JAM3: variants seen among roughly 807,000 people sequenced by gnomAD.
JAM3 encodes junctional adhesion molecule 3, also known as junctional adhesion molecule C.
In JAM3, 31 loss-of-function variants were observed where a neutral mutation model predicts 39.4. The observed-to-expected ratio is 0.79, with a 90% CI of 0.59 to 1.06. The LOEUF (loss-of-function observed/expected upper bound fraction) is 1.06. JAM3 is among the 50% of genes least tolerant of loss of function. The pLI is 0.00. For missense variants in JAM3, 455 were observed against 391.4 expected (o/e 1.16, Z -1.37); for synonymous variants, 182 against 148.7 (o/e 1.22, Z -1.63).
At chr11:134,127,175 C>T (rs1246721067) in intron 1 of JAM3, among the ~76,000 whole-genome samples, 1 of 152,060 alleles carries the variant, frequency 6.6e-6, no homozygotes, top group Non-Finnish European at 1.5e-5. Context: ...AAGAATACAG[C>T]TTGAAGTGCT....
intron 1 of JAM3, among the ~76,000 whole-genome samples, chr11:134,071,759 A>G (rs1941487213): frequency 6.6e-6 from 1 of 152,152 alleles, no homozygotes; most frequent in South Asian, 2.1e-4. Flanking sequence ...GTTTTTTAGA[A>G]TGGCATATTC....
At position 134,144,360 on chromosome 11, in the gene JAM3, A is replaced by G. The variant is rs555033192; in HGVS notation, c.376A>G (p.Ile126Val). ...EVVARNDRKE[I>V]DEIVIELTVQ... ...CGTTGCTCGAAATGACCGCAAGGAA[A>G]TTGATGAGATTGTGATCGAGTTAAC... is the stretch of plus-strand genomic sequence containing the variant. Residue 126 changes from isoleucine to valine, a missense_variant, in exon 4 of 9, where the codon ATT (isoleucine) becomes GTT (valine). Transcript: ENST00000299106. 1.3e-5 allele frequency: 21 copies of G among 1,614,224 alleles called. No homozygotes were observed. The Admixed American group carries it at 1.5e-4, about 12-fold the overall frequency.
intron 1 of JAM3, among the ~76,000 whole-genome samples, chr11:134,094,912 T>C (rs1941950567): frequency 6.6e-6 from 1 of 152,240 alleles, no homozygotes; most frequent in Admixed American, 6.5e-5. Flanking sequence ...ATTTGTTGAA[T>C]AAATGACTGA....
chr11:134,091,422 C>T (rs1324962339), intron 1 of JAM3, among the ~76,000 whole-genome samples: 1 of 152,090 alleles, frequency 6.6e-6, no homozygotes, highest in African/African-American at 2.4e-5. Flanking sequence ...TTCCCAGAAC[C>T]TGGGAGGTGG....
rs1206774763 is a variant in JAM3 at position 134,124,480 on chromosome 11, C to T, written c.77-15371C>T. On this transcript the variant is annotated intron_variant, in intron 1 of 8. Transcript: ENST00000299106. ...TTTTCTCTATTCAACTTGTTTATTCCTTATGAAGCTTCTGTCTTCAAGATA... is the reference window on the plus strand; with the variant it reads ...TTTTCTCTATTCAACTTGTTTATTCTTTATGAAGCTTCTGTCTTCAAGATA... 3.3e-5 allele frequency among the ~76,000 whole-genome samples: 5 copies of T among 152,272 alleles called. No homozygotes were observed. In the East Asian group the frequency reaches 9.6e-4, roughly 29 times the overall value.
chr11:134,114,459 G>A (rs1942382420), intron 1 of JAM3, among the ~76,000 whole-genome samples: 1 of 152,066 alleles, frequency 6.6e-6, no homozygotes, highest in African/African-American at 2.4e-5. Context: ...CCCATTTCTT[G>A]TTTTTGTCAG....
chr11:134,124,212 A>G (rs1191890769), intron 1 of JAM3: 30 of 1,399,534 alleles, frequency 2.1e-5, no homozygotes, highest in Non-Finnish European at 2.9e-5. Context: ...CAAAGTCATC[A>G]CTCCATACTT....
At chr11:134,090,573 AG>A (rs1941830283) in intron 1 of JAM3, among the ~76,000 whole-genome samples, 1 of 152,218 alleles carries the variant, frequency 6.6e-6, no homozygotes, top group Admixed American at 6.5e-5. Flanking sequence ...CAAACTATTA[AG>A]TAAATGCTGT....
chr11:134,102,746 C>A (rs1288358114), intron 1 of JAM3, among the ~76,000 whole-genome samples: 1 of 152,066 alleles, frequency 6.6e-6, no homozygotes, highest in Non-Finnish European at 1.5e-5. Context: ...ATTCAATCAA[C>A]TGGAAGAAAG....
chr11:134,098,212 A>G (rs969379243), intron 1 of JAM3, among the ~76,000 whole-genome samples: 5 of 152,154 alleles, frequency 3.3e-5, no homozygotes, highest in African/African-American at 1.2e-4. Context: ...TATATAGCTC[A>G]CCTATATCCA....
In JAM3 at chr11:134,144,377, C is replaced by G; in HGVS notation, c.393C>G (p.Ile131Met). 1 of 1,614,132 alleles carries G rather than the reference C, an allele frequency of 6.2e-7. No individual in the cohort carries two copies. The highest frequency in any genetic ancestry group is 8.5e-7 in the Non-Finnish European group (1 of 1,180,034). Residue 131 changes from isoleucine (I) to methionine (M), a missense_variant, in exon 4 of 9, where the codon ATC becomes ATG. Coordinates refer to ENST00000299106, the MANE Select transcript of JAM3 (RefSeq NM_032801.5). The stretch of plus-strand genomic sequence containing the variant: ...GCAAGGAAATTGATGAGATTGTGAT[C>G]GAGTTAACTGTGCAAGGTAGGAGCT... ...NDRKEIDEIV[I>M]ELTVQVKPVT... is the part of the protein sequence containing the mutation.
intron 3 of JAM3, among the ~76,000 whole-genome samples, chr11:134,141,622 G>A (rs943146315): frequency 3.3e-5 from 5 of 152,094 alleles, no homozygotes; most frequent in African/African-American, 1.2e-4. Context: ...GAGATTGGAG[G>A]CGGCACAACT....
At position 134,149,343 on chromosome 11, in the gene JAM3, A is replaced by T. The variant is rs2120395988; in HGVS notation, c.*162A>T. 1 of 755,804 alleles carries T rather than the reference A, an allele frequency of 1.3e-6. No homozygotes were observed. Among genetic ancestry groups the T allele is most frequent in the East Asian group, 2.7e-5 (1 of 37,126 alleles). 46.8% of individuals were successfully genotyped at this position (755,804 alleles called of 1,614,324 possible). On this transcript the variant is annotated 3_prime_UTR_variant, in exon 9 of 9. Coordinates refer to ENST00000299106, the MANE Select transcript of JAM3 (RefSeq NM_032801.5). The stretch of plus-strand genomic sequence containing the variant: ...TGACCACTACTCTTCTTACTCTAAC[A>T]AGCCACATGAATAGAAGAATTTTCC...
At position 134,148,772 on chromosome 11, in the gene JAM3, A is replaced by T; in HGVS notation, c.851A>T (p.Asn284Ile). Residue 284 changes from asparagine to isoleucine, a missense_variant, in exon 8 of 9, where the codon AAC becomes ATC. Transcript: ENST00000299106. ...NNKQDGESYK[N>I]PGKPDGVNYI... The stretch of plus-strand genomic sequence containing the variant: ...CTCTCTTCTCCTCATAGTTACAAGA[A>T]CCCAGGGAAACCAGATGGAGTTAAC... The T allele has an allele frequency of 6.2e-7, 1 of 1,614,112 alleles. No individual in the cohort carries two copies. The highest frequency in any genetic ancestry group is 8.5e-7 in the Non-Finnish European group (1 of 1,180,010).
rs1056188234 is a variant in JAM3, at chr11:134,094,899, G to A, written c.76+25740G>A. Reference sequence around the variant, plus strand: ...ACGTGCTAGATGCTCAATAATGTTCGACATTTGTTGAATAAATGACTGAAT... The same window carrying A: ...ACGTGCTAGATGCTCAATAATGTTCAACATTTGTTGAATAAATGACTGAAT... On this transcript the variant is annotated intron_variant, in intron 1 of 8. Transcript: ENST00000299106. Among the ~76,000 whole-genome samples the A allele has an allele frequency of 2.0e-5, 3 of 152,162 alleles. 1 individual carries two copies. The highest frequency in any genetic ancestry group is 1.3e-4 in the Admixed American group (2 of 15,274).
chr11:134,128,069 T>TA lies in JAM3; in HGVS notation c.77-11772dup, dbSNP rs917718876. On this transcript the variant is annotated intron_variant, in intron 1 of 8. Coordinates refer to ENST00000299106, the MANE Select transcript of JAM3 (RefSeq NM_032801.5). The stretch of plus-strand genomic sequence containing the variant: ...AGTCTTTGGGGTGTTGCTTACAGTT[T>TA]AAAAAAAAAAGGAAAAGAAAGAAAA... 2.8e-4 allele frequency among the ~76,000 whole-genome samples: 42 copies of TA among 148,642 alleles called. No homozygotes were observed. The East Asian group carries it at 3.5e-3, about 12-fold the overall frequency.
At chr11:134,138,391 TGTCTCGTCG>T (rs1942911075) in intron 1 of JAM3, among the ~76,000 whole-genome samples, 1 of 79,796 alleles carries the variant, frequency 1.3e-5, no homozygotes, top group Non-Finnish European at 2.4e-5. Flanking sequence ...CCAGTGGTGG[TGTCTCGTCG>T]AAGTCGTGGT....
At chr11:134,139,757 T>C in intron 1 of JAM3, 94 bp from the exon 2 acceptor site, 1 of 927,768 alleles carries the variant, frequency 1.1e-6, no homozygotes, top group Non-Finnish European at 1.8e-6. Flanking sequence ...TTAGTAACCA[T>C]AGCCTACGCA....
rs777922773 is a variant in JAM3 at position 134,148,553 on chromosome 11, T to G, written c.719T>G (p.Leu240Arg). The G allele has an allele frequency of 6.2e-7, 1 of 1,614,184 alleles. No homozygotes were observed. The highest frequency in any genetic ancestry group is 2.2e-5 in the East Asian group (1 of 44,870). Residue 240 changes from leucine (L) to arginine (R), a missense_variant, in exon 7 of 9, where the codon CTG becomes CGG. By Grantham distance (102) the Leu-to-Arg change is moderately radical (BLOSUM62 -2). Coordinates refer to ENST00000299106, the MANE Select transcript of JAM3 (RefSeq NM_032801.5). ...CAAACCTCCTTTTCTTCAGATGACC[T>G]GAACATTGGCGGAATTATTGGGGGG... ...CEEQEMEVYD[L>R]NIGGIIGGVL... is the part of the protein sequence containing the mutation.
Sources: gnomAD v4.1 joint callset for allele counts (sites outside exome capture counted in the v4.1 genomes callset) on GRCh38, gnomAD v4.1.1 for gene constraint, MANE v1.5 for transcripts, NCBI Gene and HGNC (gene_info 2026-07-23, HGNC 2026-07-21) for gene names.